Variants in DIP2A observed in about 807,000 individuals in gnomAD.
DIP2A encodes the protein DIP2 acetate--CoA ligase A, also known as disco-interacting protein 2 homolog A.
Under a neutral mutation model 177.4 loss-of-function variants are expected in DIP2A, and 85 were observed. The ratio of observed to expected loss-of-function variants is 0.48; its 90% CI spans 0.40 to 0.57. The LOEUF is 0.57. Ranked by LOEUF, DIP2A falls within the 20% of genes least tolerant of loss-of-function variation. The pLI is 0.00. For missense variants in DIP2A, 1,791 were observed against 2,100.2 expected, an observed-to-expected ratio of 0.85 and a Z score of 2.88; for synonymous variants, 886 against 881.8, an observed-to-expected ratio of 1.00 and a Z score of -0.08.
chr21:46,511,324 A>G, intron 7 of DIP2A, 93 bp from the exon 8 acceptor site: 2 of 1,304,916 alleles, frequency 1.5e-6, no homozygotes, highest in Non-Finnish European at 2.1e-6. Flanking sequence ...AGTTGGGATT[A>G]AAAAACAATA....
At chr21:46,531,221 C>A (rs1037161004) in intron 9 of DIP2A, among the ~76,000 whole-genome samples, 2 of 152,006 alleles carry the variant, frequency 1.3e-5, no homozygotes, top group South Asian at 4.1e-4. Flanking sequence ...TCAGGAGAAC[C>A]GAGACCCTCA....
Position 46,532,167 on chromosome 21 carries a change from TG to T in DIP2A, c.1237del (p.Val413LeufsTer16). 1 of 1,614,012 alleles carries T rather than the reference TG, an allele frequency of 6.2e-7. No homozygotes were observed. The highest frequency in any genetic ancestry group is 8.5e-7 in the Non-Finnish European group (1 of 1,179,870). On this transcript the variant is annotated frameshift_variant, in exon 10 of 38. Coordinates refer to ENST00000417564, the MANE Select transcript of DIP2A (RefSeq NM_015151.4). LOFTEE classifies it high-confidence loss of function. Reference sequence around the variant, plus strand: ...CCGAATAGTGACCCTGTGATGTTCATGGTTGCATTTTATGGGTGTCTCCTGG... The same window carrying T: ...CCGAATAGTGACCCTGTGATGTTCATGTTGCATTTTATGGGTGTCTCCTGG... Reference protein sequence around the residue: ...VFPNSDPVMFMVAFYGCLLAE... With the variant: ...VFPNSDPVMFXVAFYGCLLAE...
At chr21:46,494,332 C>T (rs112711966) in intron 3 of DIP2A, among the ~76,000 whole-genome samples, 2,763 of 152,212 alleles carry the variant, frequency 0.018, 32 homozygotes, top group Non-Finnish European at 0.026. Flanking sequence ...CTTTTTAGGT[C>T]ACTAGGTTTG....
intron 6 of DIP2A, among the ~76,000 whole-genome samples, chr21:46,506,444 C>T (rs908306977): frequency 3.3e-5 from 5 of 152,146 alleles, no homozygotes; most frequent in Non-Finnish European, 2.9e-5. Context: ...GAAACTGCCA[C>T]GCTGTTTTCC....
intron 1 of DIP2A, among the ~76,000 whole-genome samples, chr21:46,469,815 C>T (rs2055188905): frequency 6.6e-6 from 1 of 152,142 alleles, no homozygotes; most frequent in Admixed American, 6.5e-5. Flanking sequence ...CATTTTCCCT[C>T]AAGGGCATTT....
At chr21:46,531,311 T>C (rs2059347365) in intron 9 of DIP2A, among the ~76,000 whole-genome samples, 1 of 152,002 alleles carries the variant, frequency 6.6e-6, no homozygotes, top group Non-Finnish European at 1.5e-5. Context: ...CACCAGTAGG[T>C]GGGTATTTGA....
At chr21:46,555,825 A>G (rs1271593506) in intron 28 of DIP2A, 157 bp from the exon 29 acceptor site, 7 of 667,624 alleles carry the variant, frequency 1.0e-5, no homozygotes, top group South Asian at 9.9e-5. Flanking sequence ...TTTCCTGAGC[A>G]CGCACAGCCT....
intron 5 of DIP2A, among the ~76,000 whole-genome samples, chr21:46,503,601 T>G (rs2057786478): frequency 8.2e-6 from 1 of 121,924 alleles, no homozygotes; most frequent in Non-Finnish European, 1.7e-5. Context: ...CCTTCCTTCC[T>G]TCCTTCCTTC....
chr21:46,547,870 A>T (rs1340145929), intron 21 of DIP2A, among the ~76,000 whole-genome samples: 1 of 151,714 alleles, frequency 6.6e-6, no homozygotes, highest in African/African-American at 2.4e-5. Flanking sequence ...GGGTCTCACT[A>T]TGTTGCTCAA....
intron 9 of DIP2A, 32 bp from the exon 10 acceptor site, chr21:46,532,095 T>A (rs1269732464): frequency 1.2e-5 from 19 of 1,577,942 alleles, no homozygotes; most frequent in Non-Finnish European, 1.6e-5. Flanking sequence ...AAATTGGAAA[T>A]TTGGAATATT....
chr21:46,561,553 G>A (rs553917820), intron 33 of DIP2A, 195 bp from the exon 34 acceptor site: 15 of 708,522 alleles, frequency 2.1e-5, no homozygotes, highest in Middle Eastern at 3.0e-4. Context: ...GAGTGCATGC[G>A]GGTGGCGGCA....
In DIP2A at chr21:46,556,024, C is replaced by T. The variant is rs1277474936; in HGVS notation, c.3431C>T (p.Pro1144Leu). The T allele has an allele frequency of 1.4e-5, 22 of 1,613,820 alleles. No individual in the cohort carries two copies. Among genetic ancestry groups the T allele is most frequent in the Non-Finnish European group, 1.9e-5 (22 of 1,179,872 alleles). ...AAGATAGCAAGCGTTTTCAGGCCCC[C>T]CTCCCCCGATGTCCTCGCATACTTG... ...KKKIASVFRP[P>L]SPDVLAYLDF... The change falls in exon 29 of 38, where the codon CCC becomes CTC. Residue 1144 changes from proline to leucine, a missense_variant. Pro to Leu is a moderately conservative substitution (Grantham distance 98). Transcript: ENST00000417564. The surrounding 1 kb of genome is among the most constrained non-coding windows in gnomAD (Gnocchi z 4.5).
In DIP2A at chr21:46,504,760, G is replaced by A. The variant is rs7276976; in HGVS notation, c.784+271G>A. ...CAAATTTAGATAGGATGCAAAGGGC[G>A]TTTCGATCTGCAATATAGTAGGGAA... On this transcript the variant is annotated intron_variant, in intron 6 of 37. Coordinates refer to ENST00000417564, the MANE Select transcript of DIP2A (RefSeq NM_015151.4). Among the ~76,000 whole-genome samples the A allele has an allele frequency of 1.8e-3, 267 of 152,286 alleles. 3 individuals are homozygous for A. Among genetic ancestry groups the A allele is most frequent in the African/African-American group, 6.0e-3 (249 of 41,564 alleles).
At chr21:46,571,789 G>A (rs1225755290), downstream of DIP2A, among the ~76,000 whole-genome samples, 2 of 152,204 alleles carry the variant, frequency 1.3e-5, no homozygotes, top group Non-Finnish European at 1.5e-5. Context: ...TCAGAGTAAG[G>A]AGATTTTGGG....
At position 46,490,738 on chromosome 21, in the gene DIP2A, C is replaced by T; in HGVS notation, c.283+19C>T. On this transcript the variant is annotated intron_variant, in intron 3 of 37. Transcript: ENST00000417564. Reference sequence around the variant, plus strand: ...CGGTCAGGTAGGGTCACAGCCTAGGCAGTGGGGAAGGTGGACGGGCCTGGA... The same window carrying T: ...CGGTCAGGTAGGGTCACAGCCTAGGTAGTGGGGAAGGTGGACGGGCCTGGA... The T allele has an allele frequency of 6.4e-7, 1 of 1,557,338 alleles. No individual in the cohort carries two copies.
chr21:46,555,392 C>T (rs941159105), intron 28 of DIP2A: 3 of 217,454 alleles, frequency 1.4e-5, no homozygotes, highest in African/African-American at 7.0e-5. Flanking sequence ...CTGTCTCAGC[C>T]TGGGCTGGAT....
rs1192580727 is a variant in DIP2A, at chr21:46,533,639, C to T, written c.1421C>T (p.Ala474Val). 2 of 1,614,030 alleles carry T rather than the reference C, an allele frequency of 1.2e-6. No homozygotes were observed. The highest frequency in any genetic ancestry group is 1.7e-6 in the Non-Finnish European group (2 of 1,179,902). The change falls in exon 11 of 38, where the codon GCT becomes GTT. Residue 474 changes from alanine (A) to valine (V), a missense_variant. Ala to Val is a moderately conservative substitution (Grantham distance 64). Coordinates refer to ENST00000417564, the MANE Select transcript of DIP2A (RefSeq NM_015151.4). ...LPKAQTGEVA[A>V]FKGWPPLSWL... ...AAGGCACAGACAGGAGAGGTGGCAGCTTTCAAAGGTGAGGCCTCCCAAGGG... is the reference window on the plus strand; with the variant it reads ...AAGGCACAGACAGGAGAGGTGGCAGTTTTCAAAGGTGAGGCCTCCCAAGGG...
At chr21:46,492,629 A>G (rs116730503) in intron 3 of DIP2A, among the ~76,000 whole-genome samples, 1,727 of 152,208 alleles carry the variant, frequency 0.011, 30 homozygotes, top group African/African-American at 0.039. Context: ...AGATGAGATC[A>G]TGAGGGTGGG....
At position 46,509,327 on chromosome 21, in the gene DIP2A, C is replaced by T; in HGVS notation, c.855C>T (p.Arg285=). The T allele has an allele frequency of 6.2e-7, 1 of 1,613,718 alleles. No individual in the cohort carries two copies. Among genetic ancestry groups the T allele is most frequent in the Non-Finnish European group, 8.5e-7 (1 of 1,179,776 alleles). The change falls in exon 7 of 38, where the codon CGC becomes CGT. Residue 285 remains arginine, a synonymous_variant. Transcript: ENST00000417564. Reference sequence around the variant, plus strand: ...TGAACACCCTGAAGAGGCCAAAGCGCCCTCCACTGAAGGAGTTCTTTGTGG... The same window carrying T: ...TGAACACCCTGAAGAGGCCAAAGCGTCCTCCACTGAAGGAGTTCTTTGTGG... ...QLLNTLKRPK[R]PPLKEFFVDD...
Sources: gnomAD v4.1 joint callset for allele counts (sites outside exome capture counted in the v4.1 genomes callset) on GRCh38, gnomAD v4.1.1 for gene constraint, Gnocchi (gnomAD v3.1) non-coding constraint, MANE v1.5 for transcripts, NCBI Gene and HGNC (gene_info 2026-07-23, HGNC 2026-07-21) for gene names.